PLS1: variants seen among roughly 807,000 people sequenced by gnomAD.
PLS1 encodes the protein plastin 1.
In PLS1, 32 loss-of-function variants were observed where a neutral mutation model predicts 73.7. That is an observed-to-expected ratio of 0.43 (90% CI 0.33 to 0.58). The LOEUF (loss-of-function observed/expected upper bound fraction) is 0.58, where lower values mean the gene tolerates loss of function less well. Among genes scored for constraint, PLS1 ranks in the 20% least tolerant of loss-of-function variants. The pLI is 0.04. For missense variants in PLS1, 633 were observed against 740.5 expected (o/e 0.85, Z 1.68); for synonymous variants, 217 against 261.3 (o/e 0.83, Z 1.63).
chr3:142,671,076 A>T lies in PLS1; in HGVS notation c.318A>T (p.Gly106=), dbSNP rs769319736. The T allele has an allele frequency of 3.1e-6, 5 of 1,609,860 alleles. No homozygotes were observed. The South Asian group carries it at 5.5e-5, about 18-fold the overall frequency. ...AGAGGGAAGGGATTACTGCTATTGGAGGAACTTCAACTATTTCCAGTGAGG... is the reference window on the plus strand; with the variant it reads ...AGAGGGAAGGGATTACTGCTATTGGTGGAACTTCAACTATTTCCAGTGAGG... ...INKREGITAI[G]GTSTISSEGT... Residue 106 remains glycine, a synonymous_variant, in exon 4 of 16, where the codon GGA becomes GGT. Transcript: ENST00000457734.
At chr3:142,600,645 C>T (rs2035896387) in intron 1 of PLS1, among the ~76,000 whole-genome samples, 1 of 151,806 alleles carries the variant, frequency 6.6e-6, no homozygotes, top group African/African-American at 2.4e-5. Flanking sequence ...AGCCATTTTG[C>T]AAATCAAAAC....
intron 6 of PLS1, 54 bp from the exon 7 acceptor site, chr3:142,683,952 G>T: frequency 7.6e-7 from 1 of 1,318,924 alleles, no homozygotes; most frequent in Non-Finnish European, 1.1e-6. Flanking sequence ...AATTTTTATA[G>T]ATAAGACCTT....
chr3:142,688,154 G>A (rs553622455), intron 9 of PLS1, among the ~76,000 whole-genome samples: 4 of 152,092 alleles, frequency 2.6e-5, no homozygotes, highest in South Asian at 4.2e-4. Flanking sequence ...CACCATGTTG[G>A]CTAGGCTGGT....
intron 1 of PLS1, among the ~76,000 whole-genome samples, chr3:142,642,767 C>T (rs1391477111): frequency 6.6e-6 from 1 of 152,156 alleles, no homozygotes; most frequent in Non-Finnish European, 1.5e-5. Context: ...TTCAGCTTTG[C>T]AGCCTCGACC....
At position 142,712,115 on chromosome 3, in the gene PLS1, T is replaced by TA; in HGVS notation, c.*109dup. ...CCAGAGATTATTTGTATGCTCAAAATAGTTATATATTCATTAATGAATTCA... is the reference window on the plus strand; with the variant it reads ...CCAGAGATTATTTGTATGCTCAAAATAAGTTATATATTCATTAATGAATTCA... On this transcript the variant is annotated 3_prime_UTR_variant, in exon 16 of 16. Transcript: ENST00000457734. 2 of 968,674 alleles carry TA rather than the reference T, an allele frequency of 2.1e-6. No individual in the cohort carries two copies. Among genetic ancestry groups the TA allele is most frequent in the Non-Finnish European group, 3.2e-6 (2 of 628,824 alleles). The allele number at this position is 968,674 out of a possible 1,614,324, so 60.0% of individuals were successfully genotyped here.
At chr3:142,633,089 G>A (rs186512391) in intron 1 of PLS1, among the ~76,000 whole-genome samples, 142 of 152,310 alleles carry the variant, frequency 9.3e-4, no homozygotes, top group Non-Finnish European at 1.1e-3. Flanking sequence ...CAACATGGAC[G>A]AACCTCAAGG....
At chr3:142,603,857 C>CA (rs1194972243) in intron 1 of PLS1, among the ~76,000 whole-genome samples, 60 of 148,340 alleles carry the variant, frequency 4.0e-4, no homozygotes, top group African/African-American at 1.1e-3. Flanking sequence ...AAGCTGACCA[C>CA]AAAAAAAAAG....
intron 1 of PLS1, among the ~76,000 whole-genome samples, chr3:142,643,650 A>G (rs2036887541): frequency 6.6e-6 from 1 of 152,220 alleles, no homozygotes; most frequent in Non-Finnish European, 1.5e-5. Context: ...GGATCTACAT[A>G]ACAACTAGCA....
At chr3:142,640,123 C>G (rs1035787474) in intron 1 of PLS1, among the ~76,000 whole-genome samples, 2 of 152,036 alleles carry the variant, frequency 1.3e-5, no homozygotes, top group African/African-American at 4.8e-5. Context: ...AATACAAGAC[C>G]AGAAGAATTT....
intron 14 of PLS1, 82 bp from the exon 15 acceptor site, chr3:142,711,419 G>C (rs1172019081): frequency 4.8e-6 from 5 of 1,043,104 alleles, no homozygotes; most frequent in Non-Finnish European, 7.0e-6. Context: ...ATTGCCTTCA[G>C]TTATATGATC....
intron 10 of PLS1, among the ~76,000 whole-genome samples, chr3:142,693,302 C>T (rs952316244): frequency 3.9e-5 from 6 of 152,144 alleles, no homozygotes; most frequent in Admixed American, 2.6e-4. Context: ...ACAAGGCTTG[C>T]GTTCCTATCA....
chr3:142,600,082 C>G (rs984708873), intron 1 of PLS1, among the ~76,000 whole-genome samples: 1 of 152,122 alleles, frequency 6.6e-6, no homozygotes, highest in African/African-American at 2.4e-5. Context: ...GCAAGACACT[C>G]CAGTTCAAGA....
chr3:142,709,783 C>CGCCA (rs2107976055), intron 14 of PLS1, among the ~76,000 whole-genome samples: 1 of 149,566 alleles, frequency 6.7e-6, no homozygotes, highest in South Asian at 2.1e-4. Context: ...CAACACTGCA[C>CGCCA]GCCAGCCTGG....
chr3:142,706,986 C>G (rs1414288723), intron 14 of PLS1, among the ~76,000 whole-genome samples: 1 of 152,098 alleles, frequency 6.6e-6, no homozygotes, highest in African/African-American at 2.4e-5. Context: ...ACTGGAAAGA[C>G]AGACTTGGTG....
chr3:142,602,875 C>T (rs9813377), intron 1 of PLS1, among the ~76,000 whole-genome samples: 30,115 of 151,960 alleles, frequency 0.2, 3,489 homozygotes, highest in African/African-American at 0.32. Flanking sequence ...TTAGTAGAGT[C>T]GGGGTTTCAC....
chr3:142,700,629 C>G (rs2038313043), intron 12 of PLS1, among the ~76,000 whole-genome samples: 1 of 152,124 alleles, frequency 6.6e-6, no homozygotes, highest in Admixed American at 6.5e-5. Context: ...GCCTTCTTTA[C>G]TTTTAAGTAT....
In PLS1 at chr3:142,689,678, A is replaced by G. The variant is rs569338036; in HGVS notation, c.1042A>G (p.Lys348Glu). ...MLQEADKLGC[K>E]QFVTPADVVS... is the part of the protein sequence containing the mutation. ...TCAAGAAGCAGATAAACTGGGCTGCAAACAGTTTGTTACTCCTGCAGATGT... is the reference window on the plus strand; with the variant it reads ...TCAAGAAGCAGATAAACTGGGCTGCGAACAGTTTGTTACTCCTGCAGATGT... The change falls in exon 10 of 16, where the codon AAA becomes GAA. Residue 348 changes from lysine (K) to glutamate (E), a missense_variant. Lys to Glu is a moderately conservative substitution (Grantham distance 56). Transcript: ENST00000457734. 38 of 1,611,768 alleles carry G rather than the reference A, an allele frequency of 2.4e-5. No individual in the cohort carries two copies. The South Asian group carries it at 4.1e-4, about 17-fold the overall frequency.
chr3:142,684,053 A>G lies in PLS1; in HGVS notation c.627A>G (p.Thr209=), dbSNP rs762116197. Residue 209 remains threonine, a synonymous_variant, in exon 7 of 16, where the codon ACA becomes ACG. Coordinates refer to ENST00000457734, the MANE Select transcript of PLS1 (RefSeq NM_001145319.2). ...ALNSASAIGC[T]VVNIGASDLK... ...ATTCTGCCTCAGCCATTGGTTGTAC[A>G]GTGGTCAACATTGGTGCATCAGATC... is the stretch of plus-strand genomic sequence containing the variant. 1.2e-4 allele frequency: 195 copies of G among 1,613,804 alleles called. No homozygotes were observed. The highest frequency in any genetic ancestry group is 1.6e-4 in the Non-Finnish European group (188 of 1,179,862).
chr3:142,697,746 G>A (rs1416442104), intron 11 of PLS1, among the ~76,000 whole-genome samples: 3 of 152,160 alleles, frequency 2.0e-5, no homozygotes, highest in African/African-American at 7.2e-5. Flanking sequence ...GAATGTCCTT[G>A]GATGTATACC....
Sources: allele counts gnomAD v4.1 joint callset (sites outside exome capture counted in the v4.1 genomes callset), GRCh38; gene constraint gnomAD v4.1.1; transcripts MANE v1.5; gene names NCBI Gene and HGNC (gene_info 2026-07-23, HGNC 2026-07-21).